Variants in GOLGA6L2 observed in about 807,000 individuals in gnomAD.
GOLGA6L2 encodes the protein golgin subfamily A member 6-like protein 2.
A neutral mutation model predicts 35.9 loss-of-function variants in GOLGA6L2; 30 were observed. The ratio of observed to expected loss-of-function variants is 0.83; its 90% CI spans 0.62 to 1.13. The LOEUF is 1.13. Ranked by LOEUF, GOLGA6L2 falls within the 50% of genes most tolerant of loss-of-function variation. The probability of loss-of-function intolerance (pLI) is 0.00; values close to 1 mark genes in which losing one functional copy is unlikely to be tolerated. For missense variants in GOLGA6L2, 821 were observed against 973.4 expected (o/e 0.84, Z 2.08); for synonymous variants, 297 against 344.0 (o/e 0.86, Z 1.51).
Position 23,444,033 on chromosome 15 carries a change from G to T in GOLGA6L2, c.335C>A (p.Thr112Asn). 1 of 1,555,068 alleles carries T rather than the reference G, an allele frequency of 6.4e-7. No homozygotes were observed. The highest frequency in any genetic ancestry group is 1.9e-5 in the Admixed American group (1 of 52,726). Residue 112 changes from threonine to asparagine, a missense_variant, in exon 5 of 8, where the codon ACT (threonine) becomes AAT (asparagine). Physicochemically the swap from Thr to Asn is moderately conservative, Grantham distance 65. This residue lies in a region of GOLGA6L2 where 614 missense variants were observed against 632.3 expected (regional missense o/e 0.97). Coordinates refer to ENST00000567107, the MANE Select transcript of GOLGA6L2 (RefSeq NM_001304388.2). ...HTIRILTCQK[T>N]ELETALYYSQ... ...GTAATAGAGCGCTGTCTCCAGTTCA[G>T]TTTTCTGACACGTGAGAATTCGTAT...
rs762026839 is a variant in GOLGA6L2, at chr15:23,439,856, C to T, written c.2619G>A (p.Ala873=). 1.3e-4 allele frequency: 139 copies of T among 1,095,144 alleles called. 3 individuals are homozygous for T. The highest frequency in any genetic ancestry group is 1.1e-3 in the South Asian group (61 of 53,426). The allele number at this position is 1,095,144 out of a possible 1,614,324, so 67.8% of individuals were successfully genotyped here. A position where few individuals can be genotyped will look rare whatever the true frequency, so the allele number is the denominator to read the frequency against. The change falls in exon 8 of 8, where the codon GCG becomes GCA. Residue 873 remains alanine (A), a synonymous_variant. Coordinates refer to ENST00000567107, the MANE Select transcript of GOLGA6L2 (RefSeq NM_001304388.2). ...GGEDVGAGGD[A]REGGEDTRSE... ...ATCTCGTATCCTCTCCTCCTTCTCT[C>T]GCATCTCCTCCTGCCCCCACATCTT...
chr15:23,443,602 C>CCCAG (rs1301586238), intron 5 of GOLGA6L2, among the ~76,000 whole-genome samples, 175 bp downstream of exon 5: 1 of 152,176 alleles, frequency 6.6e-6, no homozygotes, highest in Non-Finnish European at 1.5e-5. Context: ...CCCAACTCAC[C>CCCAG]CACAGCAGCT....
In GOLGA6L2 at chr15:23,439,788, G is replaced by A. The variant is rs565521161; in HGVS notation, c.2687C>T (p.Ala896Val). Residue 896 changes from alanine to valine, a missense_variant, in exon 8 of 8, where the codon GCG becomes GTG. Ala to Val is a moderately conservative substitution (Grantham distance 64, BLOSUM62 0). Transcript: ENST00000567107. ...DAGEAARARG[A>V]VLRALPPSLQ... ...GGAGGGAGGCAGGGCTCTGAGCACC[G>A]CTCCTCGTGCTCTGGCAGCCTCTCC... 8 of 1,533,114 alleles carry A rather than the reference G, an allele frequency of 5.2e-6. No homozygotes were observed. In the East Asian group the frequency reaches 7.4e-5, roughly 14 times the overall value. The allele number at this position is 1,533,114 out of a possible 1,614,324, so 95.0% of individuals were successfully genotyped here. A position where few individuals can be genotyped will look rare whatever the true frequency, so the allele number is the denominator to read the frequency against.
chr15:23,443,840 G>C lies in GOLGA6L2; in HGVS notation c.528C>G (p.His176Gln). 6.5e-7 allele frequency: 1 copy of C among 1,540,602 alleles called. No homozygotes were observed. Among genetic ancestry groups the C allele is most frequent in the Non-Finnish European group, 8.7e-7 (1 of 1,149,462 alleles). ...GAGCCCGCTGTAACTCTCCTGCAAA[G>C]TGCCAGGAATGATGCAAGCGGCCGG... is the stretch of plus-strand genomic sequence containing the variant. ...DLAGRLHHSW[H>Q]FAGELQRALS... Residue 176 changes from histidine (H) to glutamine (Q), a missense_variant, in exon 5 of 8, where the codon CAC (histidine) becomes CAG (glutamine). His to Gln is a conservative substitution (Grantham distance 24). This residue lies in a region of GOLGA6L2 where 614 missense variants were observed against 632.3 expected (regional missense o/e 0.97). Coordinates refer to ENST00000567107, the MANE Select transcript of GOLGA6L2 (RefSeq NM_001304388.2).
rs766426572 is a variant in GOLGA6L2, at chr15:23,442,129, C to G, written c.651-9G>C. The G allele has an allele frequency of 3.2e-6, 5 of 1,568,410 alleles. No individual in the cohort carries two copies. Among genetic ancestry groups the G allele is most frequent in the African/African-American group, 2.7e-5 (2 of 74,440 alleles). The stretch of plus-strand genomic sequence containing the variant: ...GCTCCTCATTGGTTATGCTATGGCC[C>G]GAGGCAGTAGAGAAAGGAATGAACG... On this transcript the variant is annotated splice_polypyrimidine_tract_variant and intron_variant, in intron 6 of 7. Coordinates refer to ENST00000567107, the MANE Select transcript of GOLGA6L2 (RefSeq NM_001304388.2).
At chr15:23,444,328 A>T in intron 3 of GOLGA6L2, 116 bp from the exon 4 acceptor site, 1 of 1,472,052 alleles carries the variant, frequency 6.8e-7, no homozygotes. Flanking sequence ...GGACCAGGTT[A>T]TCAGGGACCC....
At position 23,441,041 on chromosome 15, in the gene GOLGA6L2, C is replaced by A; in HGVS notation, c.1434G>T (p.Glu478Asp). ...CCTTCTCTTCCTGCTCCCACATATT[C>A]TCCTCCTGCTTCTGCATCTTCTCCT... is the stretch of plus-strand genomic sequence containing the variant. ...EQEEKMQKQEENMWEQEEKEW... is the reference protein window; with the variant it reads ...EQEEKMQKQEDNMWEQEEKEW... Residue 478 changes from glutamate to aspartate, a missense_variant, in exon 8 of 8, where the codon GAG becomes GAT. By Grantham distance (45) the Glu-to-Asp change is conservative. Coordinates refer to ENST00000567107, the MANE Select transcript of GOLGA6L2 (RefSeq NM_001304388.2). 4 of 1,533,348 alleles carry A rather than the reference C, an allele frequency of 2.6e-6. 1 individual carries two copies. The highest frequency in any genetic ancestry group is 3.4e-4 in the Middle Eastern group (2 of 5,960). 95.0% of individuals were successfully genotyped at this position (1,533,348 alleles called of 1,614,324 possible).
rs770117786 is a variant in GOLGA6L2 at position 23,443,962 on chromosome 15, G to A, written c.406C>T (p.Pro136Ser). 5 of 1,561,558 alleles carry A rather than the reference G, an allele frequency of 3.2e-6. No individual in the cohort carries two copies. The highest frequency in any genetic ancestry group is 2.3e-5 in the South Asian group (2 of 86,126). ...GAAAGTGCCAGGTTGAAGGATGATG[G>A]GGTGCCCAGGTTCCCATCTTCAAAT... ...RKFEDGNLGT[P>S]SSFNLALSQA... The change falls in exon 5 of 8, where the codon CCA (proline) becomes TCA (serine). Residue 136 changes from proline to serine, a missense_variant. Physicochemically the swap from Pro to Ser is moderately conservative, Grantham distance 74. Coordinates refer to ENST00000567107, the MANE Select transcript of GOLGA6L2 (RefSeq NM_001304388.2).
At chr15:23,443,724 C>T (rs2141083451) in intron 5 of GOLGA6L2, 53 bp downstream of exon 5, 1 of 1,374,604 alleles carries the variant, frequency 7.3e-7, no homozygotes, top group African/African-American at 1.4e-5. Context: ...TAGGCTCATT[C>T]CTCCATCTGC....
rs1295106742 is a variant in GOLGA6L2, at chr15:23,444,297, C to T, written c.244-85G>A. ...CATGCCCCCAGAATGGCACCAATGC[C>T]CCAGGACAGGCGCACCCATGGGACC... On this transcript the variant is annotated intron_variant, in intron 3 of 7. Transcript: ENST00000567107. 1.3e-5 allele frequency: 20 copies of T among 1,524,622 alleles called. No individual in the cohort carries two copies. In the Admixed American group the frequency reaches 2.2e-4, roughly 17 times the overall value. 94.4% of individuals were successfully genotyped at this position (1,524,622 alleles called of 1,614,324 possible). A position where few individuals can be genotyped will look rare whatever the true frequency, so the allele number is the denominator to read the frequency against.
chr15:23,441,971 C>T lies in GOLGA6L2; in HGVS notation c.792+8G>A. The T allele has an allele frequency of 1.9e-6, 3 of 1,542,906 alleles. No individual in the cohort carries two copies. Among genetic ancestry groups the T allele is most frequent in the East Asian group, 2.4e-5 (1 of 41,796 alleles). On this transcript the variant is annotated splice_region_variant and intron_variant, in intron 7 of 7. Transcript: ENST00000567107. ...TCTCCCACAACCCCTGGGGCTGCAG[C>T]CGCTCACCTGTGGCAGCAGGAACTT...
chr15:23,439,087 A>C lies in GOLGA6L2; in HGVS notation c.*658T>G, dbSNP rs1462154563. ...GAATGCCATAAAACAAAACAAGACT[A>C]AATGAGAAAGACCAAGAAGAAAAAC... On this transcript the variant is annotated 3_prime_UTR_variant, in exon 8 of 8. Coordinates refer to ENST00000567107, the MANE Select transcript of GOLGA6L2 (RefSeq NM_001304388.2). Among the ~76,000 whole-genome samples the C allele has an allele frequency of 1.3e-5, 2 of 152,142 alleles. No individual in the cohort carries two copies. Among genetic ancestry groups the C allele is most frequent in the Admixed American group, 1.3e-4 (2 of 15,280 alleles).
Position 23,443,835 on chromosome 15 carries a change from G to A in GOLGA6L2, c.533C>T (p.Ala178Val). The A allele has an allele frequency of 1.9e-6, 3 of 1,540,348 alleles. No homozygotes were observed. Among genetic ancestry groups the A allele is most frequent in the Non-Finnish European group, 2.6e-6 (3 of 1,149,308 alleles). ...AGAGAGAGCCCGCTGTAACTCTCCT[G>A]CAAAGTGCCAGGAATGATGCAAGCG... Reference protein sequence around the residue: ...AGRLHHSWHFAGELQRALSAV... With the variant: ...AGRLHHSWHFVGELQRALSAV... The change falls in exon 5 of 8, where the codon GCA becomes GTA. Residue 178 changes from alanine (A) to valine (V), a missense_variant. By Grantham distance (64) the Ala-to-Val change is moderately conservative. Around this residue, in one of 7 missense-constraint regions of GOLGA6L2, gnomAD observed 614 missense variants for 632.3 expected, o/e 0.97. Transcript: ENST00000567107.
chr15:23,447,117 A>C lies in GOLGA6L2; in HGVS notation c.65T>G (p.Leu22Trp). The part of the protein sequence containing the change: ...MMSEKTRQNK[L>W]AEAKKKFTDY... The stretch of plus-strand genomic sequence containing the variant: ...TTTTACCTTTTTCTTGGCCTCAGCC[A>C]ATTTGTTCTGTCTGGTTTTTTCTGA... Residue 22 changes from leucine to tryptophan, a missense_variant, in exon 1 of 8, where the codon TTG becomes TGG. Coordinates refer to ENST00000567107, the MANE Select transcript of GOLGA6L2 (RefSeq NM_001304388.2). 1 of 1,586,776 alleles carries C rather than the reference A, an allele frequency of 6.3e-7. No homozygotes were observed. Among genetic ancestry groups the C allele is most frequent in the Non-Finnish European group, 8.6e-7 (1 of 1,166,662 alleles).
At position 23,440,776 on chromosome 15, in the gene GOLGA6L2, C is replaced by T. The variant is rs1282504864; in HGVS notation, c.1699G>A (p.Gly567Arg). ...GGTCCCACATCTTCTGCTCCTGATC[C>T]CGCATCTTCTCCTCCTGCTCCCACA... is the stretch of plus-strand genomic sequence containing the variant. ...ADVGAGGEDA[G>R]SGAEDVGPGG... is the part of the protein sequence containing the mutation. Residue 567 changes from glycine (G) to arginine (R), a missense_variant, in exon 8 of 8, where the codon GGA becomes AGA. Coordinates refer to ENST00000567107, the MANE Select transcript of GOLGA6L2 (RefSeq NM_001304388.2). 2.1e-6 allele frequency: 3 copies of T among 1,444,684 alleles called. No individual in the cohort carries two copies. Among genetic ancestry groups the T allele is most frequent in the Non-Finnish European group, 1.8e-6 (2 of 1,096,590 alleles). The allele number at this position is 1,444,684 out of a possible 1,614,324, so 89.5% of individuals were successfully genotyped here. A position where few individuals can be genotyped will look rare whatever the true frequency, so the allele number is the denominator to read the frequency against.
At chr15:23,445,767 C>T (rs1886771756) in intron 1 of GOLGA6L2, among the ~76,000 whole-genome samples, 1 of 152,202 alleles carries the variant, frequency 6.6e-6, no homozygotes, top group Non-Finnish European at 1.5e-5. Flanking sequence ...TACATCCTCA[C>T]ACATCTGTTA....
intron 3 of GOLGA6L2, 101 bp from the exon 4 acceptor site, chr15:23,444,313 C>G: frequency 2.0e-6 from 3 of 1,487,720 alleles, no homozygotes; most frequent in Non-Finnish European, 2.8e-6. Context: ...ACAGGCGCAC[C>G]CATGGGACCA....
At chr15:23,443,309 C>T (rs578232097) in intron 5 of GOLGA6L2, among the ~76,000 whole-genome samples, 10 of 152,164 alleles carry the variant, frequency 6.6e-5, no homozygotes, top group African/African-American at 2.4e-4. Flanking sequence ...CCCACACACA[C>T]TGTTCCTGTC....
At position 23,439,044 on chromosome 15, in the gene GOLGA6L2, C is replaced by A. The variant is rs2141073312; in HGVS notation, c.*701G>T. On this transcript the variant is annotated 3_prime_UTR_variant, in exon 8 of 8. Coordinates refer to ENST00000567107, the MANE Select transcript of GOLGA6L2 (RefSeq NM_001304388.2). ...AGTCAAAGTCAATACTCTCTGGAGG[C>A]ACATAAAAGTTTACTAGGAATGCCA... Among the ~76,000 whole-genome samples, 1 of 151,890 alleles carries A rather than the reference C, an allele frequency of 6.6e-6. No individual in the cohort carries two copies. Among genetic ancestry groups the A allele is most frequent in the South Asian group, 2.1e-4 (1 of 4,814 alleles).
Sources: gnomAD v4.1 joint callset for allele counts (sites outside exome capture counted in the v4.1 genomes callset) on GRCh38, gnomAD v4.1.1 for gene constraint, gnomAD v4.1.1 regional missense constraint, MANE v1.5 for transcripts, NCBI Gene and HGNC (gene_info 2026-07-23, HGNC 2026-07-21) for gene names.